Variants in EPN2 observed in about 807,000 individuals in gnomAD.
The protein encoded by EPN2 is epsin-2.
Under a neutral mutation model 61.7 loss-of-function variants are expected in EPN2, and 34 were observed. That is an observed-to-expected ratio of 0.55 (90% CI 0.42 to 0.73). The LOEUF (loss-of-function observed/expected upper bound fraction) is 0.73, where lower values mean the gene tolerates loss of function less well. EPN2 is among the 30% of genes least tolerant of loss of function. The pLI, the probability that EPN2 is intolerant of heterozygous loss-of-function variation, is 0.00. For missense variants in EPN2, 714 were observed against 839.2 expected (o/e 0.85, Z 1.84); for synonymous variants, 349 against 353.6 (o/e 0.99, Z 0.15).
chr17:19,305,211 T>G, intron 4 of EPN2, among the ~76,000 whole-genome samples: 1 of 150,108 alleles, frequency 6.7e-6, no homozygotes, highest in East Asian at 2.1e-4. Context: ...AACCTCCACC[T>G]GCTTAGTTCA....
At chr17:19,277,058 C>T (rs1019948650) in intron 1 of EPN2, among the ~76,000 whole-genome samples, 11 of 151,982 alleles carry the variant, frequency 7.2e-5, no homozygotes, top group Admixed American at 6.6e-4. Context: ...GTGGAGCGTG[C>T]AAACTATGCG....
At chr17:19,326,430 T>C (rs1906871482) in intron 7 of EPN2, among the ~76,000 whole-genome samples, 1 of 152,134 alleles carries the variant, frequency 6.6e-6, no homozygotes, top group South Asian at 2.1e-4. Flanking sequence ...CTCACGCCTG[T>C]AATCCCAGCA....
chr17:19,303,211 T>G (rs1337696531), intron 4 of EPN2, among the ~76,000 whole-genome samples: 1 of 152,206 alleles, frequency 6.6e-6, no homozygotes, highest in African/African-American at 2.4e-5. Context: ...TACACATCTC[T>G]TCCTGGAGAG....
intron 8 of EPN2, 103 bp from the exon 9 acceptor site, chr17:19,329,458 G>T: frequency 3.0e-6 from 2 of 675,990 alleles, no homozygotes; most frequent in Non-Finnish European, 5.2e-6. Flanking sequence ...TAAGCGGGGA[G>T]AGGCCCCTGT....
Position 19,283,577 on chromosome 17 carries a change from G to C in EPN2, c.458G>C (p.Arg153Pro), listed in dbSNP as rs1412886457. 1 of 1,614,216 alleles carries C rather than the reference G, an allele frequency of 6.2e-7. No homozygotes were observed. The highest frequency in any genetic ancestry group is 1.1e-5 in the South Asian group (1 of 91,090). The change falls in exon 3 of 11, where the codon CGC becomes CCC. Residue 153 changes from arginine to proline, a missense_variant. This residue lies in a region of EPN2 where 304 missense variants were observed against 417.4 expected (regional missense o/e 0.73). Coordinates refer to ENST00000314728, the MANE Select transcript of EPN2 (RefSeq NM_014964.5). The surrounding 1 kb of genome is among the most constrained non-coding windows in gnomAD (Gnocchi z 7.0). ...GCCCAGGCTCTCAAAACCAAAGAGC[G>C]CATGGCCCAGGTTGCCACTGGCATG... ...ERAQALKTKERMAQVATGMGS... is the reference protein window; with the variant it reads ...ERAQALKTKEPMAQVATGMGS...
intron 4 of EPN2, among the ~76,000 whole-genome samples, chr17:19,292,339 T>C (rs1756822464): frequency 1.3e-5 from 2 of 152,232 alleles, no homozygotes; most frequent in Admixed American, 6.5e-5. Context: ...GGAGTGTGTC[T>C]AGCCCTCAGG....
chr17:19,305,117 G>GTTT (rs1222270324), intron 4 of EPN2, among the ~76,000 whole-genome samples: 2 of 145,514 alleles, frequency 1.4e-5, no homozygotes, highest in East Asian at 2.0e-4. Context: ...ATATACTTTG[G>GTTT]TTTTTTTTTT....
At chr17:19,311,886 T>C (rs533186820) in intron 5 of EPN2, among the ~76,000 whole-genome samples, 166 bp from the exon 6 acceptor site, 1 of 152,384 alleles carries the variant, frequency 6.6e-6, no homozygotes, top group South Asian at 2.1e-4. Flanking sequence ...GCCTTCTGGG[T>C]ACACACACAT....
rs1054018452 is a variant in EPN2, at chr17:19,336,581, C to T, written c.*2327C>T. The T allele has an allele frequency of 6.5e-6, 1 of 152,688 alleles. No homozygotes were observed. Among genetic ancestry groups the T allele is most frequent in the Non-Finnish European group, 1.5e-5 (1 of 68,064 alleles). 9.5% of individuals were successfully genotyped at this position (152,688 alleles called of 1,614,324 possible). A position where few individuals can be genotyped will look rare whatever the true frequency, so the allele number is the denominator to read the frequency against. On this transcript the variant is annotated 3_prime_UTR_variant, in exon 11 of 11. Transcript: ENST00000314728. The stretch of plus-strand genomic sequence containing the variant: ...ATGTTGCACCTGTGCCATCGTGCTC[C>T]CTCCTGATGGGCACCGTGGTGGAGG...
chr17:19,329,494 C>T, intron 8 of EPN2, 67 bp from the exon 9 acceptor site: 1 of 949,276 alleles, frequency 1.1e-6, no homozygotes. Context: ...AGGGTGTGCA[C>T]TGGGCAGTGG....
chr17:19,288,628 A>T (rs2045428191), intron 4 of EPN2, among the ~76,000 whole-genome samples: 1 of 152,078 alleles, frequency 6.6e-6, no homozygotes, highest in Non-Finnish European at 1.5e-5. Flanking sequence ...GCGATGAGTG[A>T]CGGAGCATGG....
chr17:19,272,424 C>CT (rs1567849769), intron 1 of EPN2, among the ~76,000 whole-genome samples: 1 of 152,116 alleles, frequency 6.6e-6, no homozygotes, highest in Non-Finnish European at 1.5e-5. Context: ...TGACCTGTGG[C>CT]TGGGCTGATC....
At chr17:19,243,885 A>G (rs1031341374) in intron 1 of EPN2, among the ~76,000 whole-genome samples, 1 of 152,160 alleles carries the variant, frequency 6.6e-6, no homozygotes, top group African/African-American at 2.4e-5. Context: ...TGATGCTGCC[A>G]GTCTAGGGAC....
intron 10 of EPN2, 35 bp downstream of exon 10, chr17:19,332,103 C>A: frequency 6.6e-7 from 1 of 1,518,480 alleles, no homozygotes; most frequent in Non-Finnish European, 9.1e-7. Flanking sequence ...CCATTGCCTG[C>A]TGTGCCTGGG....
chr17:19,270,563 G>A (rs1281942136), intron 1 of EPN2, among the ~76,000 whole-genome samples: 1 of 152,190 alleles, frequency 6.6e-6, no homozygotes, highest in Admixed American at 6.6e-5. Flanking sequence ...AGAGGAGGCA[G>A]GTATTTGGAC....
At chr17:19,290,835 C>T (rs1356969944) in intron 4 of EPN2, among the ~76,000 whole-genome samples, 1 of 152,022 alleles carries the variant, frequency 6.6e-6, no homozygotes, top group Non-Finnish European at 1.5e-5. Flanking sequence ...GGGCTTTGTA[C>T]CAGGTGGGGG....
chr17:19,277,899 C>T (rs755564046), intron 1 of EPN2, among the ~76,000 whole-genome samples: 2 of 151,924 alleles, frequency 1.3e-5, no homozygotes, highest in East Asian at 1.9e-4. Flanking sequence ...GGTGAAACCT[C>T]GTCTCCACTA....
chr17:19,276,616 T>G (rs2045308013), intron 1 of EPN2: 2 of 152,088 alleles, frequency 1.3e-5, no homozygotes, highest in African/African-American at 4.8e-5. Flanking sequence ...TATTTCAAGT[T>G]TTGACAGAAT....
chr17:19,318,443 G>T (rs1205682080), intron 7 of EPN2, among the ~76,000 whole-genome samples: 1 of 151,110 alleles, frequency 6.6e-6, no homozygotes, highest in African/African-American at 2.4e-5. Context: ...CAGCTACTTG[G>T]GAGGCTGAGG....
Sources: gnomAD v4.1 joint callset for allele counts (sites outside exome capture counted in the v4.1 genomes callset) on GRCh38, gnomAD v4.1.1 for gene constraint, gnomAD v4.1.1 regional missense constraint, Gnocchi (gnomAD v3.1) non-coding constraint, MANE v1.5 for transcripts, NCBI Gene and HGNC (gene_info 2026-07-23, HGNC 2026-07-21) for gene names.